The following ZSWIM9 variants were observed in gnomAD, a reference collection of about 807,000 sequenced individuals.
The protein encoded by ZSWIM9 is zinc finger SWIM-type containing 9, also known as uncharacterized protein ZSWIM9.
A neutral mutation model predicts 25.0 loss-of-function variants in ZSWIM9; 11 were observed. The ratio of observed to expected loss-of-function variants is 0.44; its 90% CI spans 0.28 to 0.73. The LOEUF is 0.73. Ranked by LOEUF, ZSWIM9 falls within the 30% of genes least tolerant of loss-of-function variation. ZSWIM9 has a pLI of 0.16. For missense variants in ZSWIM9, 1,070 were observed against 1,296.5 expected (o/e 0.83, Z 2.68); for synonymous variants, 562 against 582.1 (o/e 0.97, Z 0.50).
intron 3 of ZSWIM9, chr19:48,187,591 A>ATATATAATAT (rs1568579931): frequency 2.7e-4 from 11 of 40,886 alleles, no homozygotes; most frequent in Non-Finnish European, 5.4e-4. Context: ...TATATTATAT[A>ATATATAATAT]ATATAATATT....
intron 3 of ZSWIM9, among the ~76,000 whole-genome samples, chr19:48,184,067 T>C (rs920524373): frequency 4.0e-5 from 6 of 151,566 alleles, no homozygotes; most frequent in African/African-American, 1.5e-4. Flanking sequence ...AGATGGAGAA[T>C]TAGGAGAAGG....
Position 48,195,481 on chromosome 19 carries a change from G to A in ZSWIM9, c.1417G>A (p.Glu473Lys), listed in dbSNP as rs2037149067. The A allele has an allele frequency of 7.0e-7, 1 of 1,418,540 alleles. No homozygotes were observed. 87.9% of individuals were successfully genotyped at this position (1,418,540 alleles called of 1,614,324 possible). The change falls in exon 4 of 4, where the codon GAG (glutamate) becomes AAG (lysine). Residue 473 changes from glutamate to lysine, a missense_variant. Glu to Lys is a moderately conservative substitution (Grantham distance 56). Transcript: ENST00000614654. The surrounding 1 kb of genome is among the most constrained non-coding windows in gnomAD (Gnocchi z 5.8). Reference protein sequence around the residue: ...QGENERVRGLETGDWGGAPKE... With the variant: ...QGENERVRGLKTGDWGGAPKE... Reference sequence around the variant, plus strand: ...GGAGAACGAGAGGGTGAGGGGCCTGGAGACAGGCGACTGGGGAGGGGCTCC... The same window carrying A: ...GGAGAACGAGAGGGTGAGGGGCCTGAAGACAGGCGACTGGGGAGGGGCTCC...
At chr19:48,192,924 TGTC>T (rs1316977856) in intron 3 of ZSWIM9, 2 of 154,642 alleles carry the variant, frequency 1.3e-5, no homozygotes, top group Admixed American at 1.3e-4. Flanking sequence ...AGCTGCCAGA[TGTC>T]GTCTCTCAGT....
chr19:48,180,448 G>GCCTGGCT (rs1023273013), intron 2 of ZSWIM9, among the ~76,000 whole-genome samples: 1 of 151,672 alleles, frequency 6.6e-6, no homozygotes, highest in Admixed American at 6.6e-5. Context: ...GTGCCACTGT[G>GCCTGGCT]CCTGGCTCTT....
chr19:48,195,896 G>A lies in ZSWIM9; in HGVS notation c.1832G>A (p.Gly611Glu). The change falls in exon 4 of 4, where the codon GGG (glycine) becomes GAG (glutamate). Residue 611 changes from glycine to glutamate, a missense_variant. Gly to Glu is a moderately conservative substitution (Grantham distance 98). Around this residue, in one of 4 missense-constraint regions of ZSWIM9, gnomAD observed 583 missense variants for 624.7 expected, o/e 0.93. Coordinates refer to ENST00000614654, the MANE Select transcript of ZSWIM9 (RefSeq NM_199341.4). The surrounding 1 kb of genome is among the most constrained non-coding windows in gnomAD (Gnocchi z 5.8). Reference sequence around the variant, plus strand: ...CGCAGGAGTACCACCGACCTGAGGGGGACCCAGTTTGACTATGAGAGGGTC... The same window carrying A: ...CGCAGGAGTACCACCGACCTGAGGGAGACCCAGTTTGACTATGAGAGGGTC... ...EDRRSTTDLR[G>E]TQFDYERVRS... 7.2e-7 allele frequency: 1 copy of A among 1,391,942 alleles called. No individual in the cohort carries two copies. The highest frequency in any genetic ancestry group is 9.3e-7 in the Non-Finnish European group (1 of 1,077,798). The allele number at this position is 1,391,942 out of a possible 1,614,324, so 86.2% of individuals were successfully genotyped here. A position where few individuals can be genotyped will look rare whatever the true frequency, so the allele number is the denominator to read the frequency against.
At chr19:48,171,531 A>G (rs922178060) in intron 1 of ZSWIM9, 2 of 380,018 alleles carry the variant, frequency 5.3e-6, no homozygotes, top group Non-Finnish European at 7.2e-6. Flanking sequence ...TAAGGGTCAC[A>G]TCTGCGGAGG....
intron 1 of ZSWIM9, 146 bp from the exon 2 acceptor site, chr19:48,171,648 T>C: frequency 1.3e-6 from 1 of 780,110 alleles, no homozygotes; most frequent in Non-Finnish European, 2.0e-6. Context: ...TTTATATATT[T>C]GGAGAAAAAC....
Position 48,197,512 on chromosome 19 carries a change from T to C in ZSWIM9, c.*685T>C. The C allele has an allele frequency of 5.6e-6, 3 of 533,118 alleles. No homozygotes were observed. Among genetic ancestry groups the C allele is most frequent in the Non-Finnish European group, 1.0e-5 (3 of 298,582 alleles). The allele number at this position is 533,118 out of a possible 1,614,324, so 33.0% of individuals were successfully genotyped here. On this transcript the variant is annotated 3_prime_UTR_variant, in exon 4 of 4. Coordinates refer to ENST00000614654, the MANE Select transcript of ZSWIM9 (RefSeq NM_199341.4). ...GGAGACATCGACCCCCATCGCCTTC[T>C]GAAGAGAGAGGGAGGGCGGGCACTG...
chr19:48,183,959 T>C (rs1214786854), intron 3 of ZSWIM9, among the ~76,000 whole-genome samples: 2 of 151,656 alleles, frequency 1.3e-5, no homozygotes, highest in African/African-American at 4.8e-5. Flanking sequence ...TAAATTTTTT[T>C]TTTTTTAATT....
chr19:48,187,789 A>C (rs1330970883), intron 3 of ZSWIM9: 1 of 149,390 alleles, frequency 6.7e-6, no homozygotes, highest in Admixed American at 7.0e-5. Context: ...AATTAAAAAA[A>C]AAAAAATTAG....
At chr19:48,180,236 G>A (rs1344709503) in intron 2 of ZSWIM9, among the ~76,000 whole-genome samples, 1 of 151,984 alleles carries the variant, frequency 6.6e-6, no homozygotes, top group Non-Finnish European at 1.5e-5. Flanking sequence ...GGCTGGTCTT[G>A]AATTCCCAAC....
chr19:48,187,675 C>T (rs2037046661), intron 3 of ZSWIM9: 1 of 133,366 alleles, frequency 7.5e-6, no homozygotes. Flanking sequence ...CGATGGCTCA[C>T]ACCTGTAATC....
rs2037159591 is a variant in ZSWIM9, at chr19:48,195,986, G to T, written c.1922G>T (p.Arg641Ile). ...CACGATGAAAGGGCAGGGGGACTGAGAACTGCAGAATGGAAGGGGCCACAG... is the reference window on the plus strand; with the variant it reads ...CACGATGAAAGGGCAGGGGGACTGATAACTGCAGAATGGAAGGGGCCACAG... ...QLHDERAGGL[R>I]TAEWKGPQSE... Residue 641 changes from arginine (R) to isoleucine (I), a missense_variant, in exon 4 of 4, where the codon AGA (arginine) becomes ATA (isoleucine). By Grantham distance (97) the Arg-to-Ile change is moderately conservative. Around this residue, in one of 4 missense-constraint regions of ZSWIM9, gnomAD observed 583 missense variants for 624.7 expected, o/e 0.93. Transcript: ENST00000614654. This position sits in a 1 kb window ranked among gnomAD's most constrained non-coding sequence, Gnocchi z 5.8. The T allele has an allele frequency of 7.7e-7, 1 of 1,295,048 alleles. No homozygotes were observed. The allele number at this position is 1,295,048 out of a possible 1,614,324, so 80.2% of individuals were successfully genotyped here.
At chr19:48,183,419 G>A (rs548272737) in intron 3 of ZSWIM9, among the ~76,000 whole-genome samples, 36 of 152,050 alleles carry the variant, frequency 2.4e-4, no homozygotes, top group African/African-American at 7.5e-4. Context: ...GAGCCACCAC[G>A]CCCGGCCTGA....
chr19:48,189,457 A>T (rs1446477948), intron 3 of ZSWIM9: 1 of 152,848 alleles, frequency 6.5e-6, no homozygotes, highest in Non-Finnish European at 1.5e-5. Context: ...AGTCCCAGCT[A>T]CTCGGGAGGC....
At chr19:48,185,633 T>C (rs1052744240) in intron 3 of ZSWIM9, among the ~76,000 whole-genome samples, 2 of 152,188 alleles carry the variant, frequency 1.3e-5, no homozygotes, top group Non-Finnish European at 1.5e-5. Context: ...ATAAATCATA[T>C]CTCGCTTTCT....
intron 3 of ZSWIM9, among the ~76,000 whole-genome samples, chr19:48,188,562 G>GA (rs1300664051): frequency 7.9e-5 from 12 of 152,202 alleles, no homozygotes; most frequent in African/African-American, 2.9e-4. Flanking sequence ...GCCTGATGAT[G>GA]ATGGGCTTTG....
At position 48,195,799 on chromosome 19, in the gene ZSWIM9, G is replaced by A; in HGVS notation, c.1735G>A (p.Gly579Arg). The change falls in exon 4 of 4, where the codon GGG (glycine) becomes AGG (arginine). Residue 579 changes from glycine (G) to arginine (R), a missense_variant. Coordinates refer to ENST00000614654, the MANE Select transcript of ZSWIM9 (RefSeq NM_199341.4). This position sits in a 1 kb window ranked among gnomAD's most constrained non-coding sequence, Gnocchi z 5.8. Reference sequence around the variant, plus strand: ...GGGACTGGAAGGTTATGTCTGGAGGGGGTCCCAGTTGGAGGACCAGGCGCT... The same window carrying A: ...GGGACTGGAAGGTTATGTCTGGAGGAGGTCCCAGTTGGAGGACCAGGCGCT... ...DWGLEGYVWRGSQLEDQALRG... is the reference protein window; with the variant it reads ...DWGLEGYVWRRSQLEDQALRG... The A allele has an allele frequency of 6.7e-7, 1 of 1,497,014 alleles. No individual in the cohort carries two copies. The highest frequency in any genetic ancestry group is 8.9e-7 in the Non-Finnish European group (1 of 1,129,916). 92.7% of individuals were successfully genotyped at this position (1,497,014 alleles called of 1,614,324 possible). A position where few individuals can be genotyped will look rare whatever the true frequency, so the allele number is the denominator to read the frequency against.
chr19:48,182,963 C>A lies in ZSWIM9; in HGVS notation c.588+196C>A. The A allele has an allele frequency of 1.7e-6, 1 of 593,120 alleles. No homozygotes were observed. The highest frequency in any genetic ancestry group is 2.0e-5 in the South Asian group (1 of 49,992). 36.7% of individuals were successfully genotyped at this position (593,120 alleles called of 1,614,324 possible). A position where few individuals can be genotyped will look rare whatever the true frequency, so the allele number is the denominator to read the frequency against. On this transcript the variant is annotated intron_variant, in intron 3 of 3. Transcript: ENST00000614654. This position sits in a 1 kb window ranked among gnomAD's most constrained non-coding sequence, Gnocchi z 4.6. ...ACCAGACCCACGTGGTCTCTGTCCG[C>A]AGAGAGCTTACCTTCTAGGGTAGTG...
Sources: allele counts gnomAD v4.1 joint callset (sites outside exome capture counted in the v4.1 genomes callset), GRCh38; gene constraint gnomAD v4.1.1; regional missense constraint gnomAD v4.1.1; non-coding constraint Gnocchi (gnomAD v3.1); transcripts MANE v1.5; gene names NCBI Gene and HGNC (gene_info 2026-07-23, HGNC 2026-07-21).